Variants in CNTNAP2 observed in about 807,000 individuals in gnomAD.
CNTNAP2 encodes contactin-associated protein-like 2.
Under a neutral mutation model 155.2 loss-of-function variants are expected in CNTNAP2, and 98 were observed. That is an observed-to-expected ratio of 0.63 (90% CI 0.54 to 0.75). CNTNAP2 has a LOEUF of 0.75. Among genes scored for constraint, CNTNAP2 ranks in the 30% least tolerant of loss-of-function variants. The probability of loss-of-function intolerance (pLI) is 0.00; values close to 1 mark genes in which losing one functional copy is unlikely to be tolerated. For missense variants in CNTNAP2, 1,727 were observed against 1,688.1 expected (o/e 1.02, Z -0.40); for synonymous variants, 651 against 631.2 (o/e 1.03, Z -0.47).
intron 1 of CNTNAP2, among the ~76,000 whole-genome samples, chr7:146,609,207 A>G (rs1799095494): frequency 6.6e-6 from 1 of 152,176 alleles, no homozygotes; most frequent in African/African-American, 2.4e-5. Flanking sequence ...CTAGTGTTGC[A>G]CTCACATGCA....
At chr7:147,234,544 T>C (rs1038706293) in intron 8 of CNTNAP2, among the ~76,000 whole-genome samples, 5 of 152,080 alleles carry the variant, frequency 3.3e-5, no homozygotes, top group African/African-American at 4.8e-5. Context: ...TTTCACCGTG[T>C]TAGCCAGGAT....
At chr7:146,694,066 C>A (rs1239798498) in intron 1 of CNTNAP2, among the ~76,000 whole-genome samples, 1 of 151,908 alleles carries the variant, frequency 6.6e-6, no homozygotes, top group Non-Finnish European at 1.5e-5. Flanking sequence ...TTTTATGAAG[C>A]TAAAAATAAT....
intron 14 of CNTNAP2, among the ~76,000 whole-genome samples, chr7:147,944,617 A>G (rs577354952): frequency 8.3e-4 from 127 of 152,334 alleles, no homozygotes; most frequent in Middle Eastern, 3.4e-3. Flanking sequence ...TGTTATACAT[A>G]ATGGGGAAAA....
At chr7:148,364,228 T>C (rs1405709227) in intron 21 of CNTNAP2, among the ~76,000 whole-genome samples, 1 of 152,244 alleles carries the variant, frequency 6.6e-6, no homozygotes, top group Non-Finnish European at 1.5e-5. Flanking sequence ...CAGCTCCACC[T>C]GCAGCCCCAG....
At chr7:146,328,739 A>G (rs1198497402) in intron 1 of CNTNAP2, among the ~76,000 whole-genome samples, 1 of 152,130 alleles carries the variant, frequency 6.6e-6, no homozygotes, top group Non-Finnish European at 1.5e-5. Flanking sequence ...TCTGTTACCA[A>G]GAATTTAACT....
intron 1 of CNTNAP2, among the ~76,000 whole-genome samples, chr7:146,765,470 C>A (rs779598232): frequency 8.5e-5 from 13 of 152,146 alleles, no homozygotes; most frequent in Non-Finnish European, 1.5e-4. Context: ...AGCACTTTGC[C>A]TTGCTTGCTT....
chr7:147,361,480 T>G (rs1796146565), intron 9 of CNTNAP2, among the ~76,000 whole-genome samples: 1 of 152,214 alleles, frequency 6.6e-6, no homozygotes, highest in Non-Finnish European at 1.5e-5. Flanking sequence ...AACTTTTAAG[T>G]CACGTTGTGT....
At position 148,349,405 on chromosome 7, in the gene CNTNAP2, C is replaced by CTTTTTTT. The variant is rs369932664; in HGVS notation, c.3476-34243_3476-34242insTTTTTTT. 1.6e-4 allele frequency among the ~76,000 whole-genome samples: 22 copies of CTTTTTTT among 135,624 alleles called. 5 individuals carry two copies. The highest frequency in any genetic ancestry group is 2.0e-4 in the Non-Finnish European group (13 of 64,378). The allele number at this position is 135,624 out of a possible 152,430, so 89.0% of individuals were successfully genotyped here. ...GCTTTAAAAATTGCAAAAAAAATCT[C>CTTTTTTT]TCTTTTTTTTTTTTGAGACAGAGTC... On this transcript the variant is annotated intron_variant, in intron 21 of 23. Transcript: ENST00000361727.
intron 12 of CNTNAP2, among the ~76,000 whole-genome samples, chr7:147,595,775 G>A (rs1563013911): frequency 6.6e-6 from 1 of 152,150 alleles, no homozygotes; most frequent in Non-Finnish European, 1.5e-5. Flanking sequence ...AATCGTAGTT[G>A]CTGAGTCTGG....
At chr7:147,355,436 A>G (rs534823508) in intron 9 of CNTNAP2, among the ~76,000 whole-genome samples, 1 of 152,246 alleles carries the variant, frequency 6.6e-6, no homozygotes, top group East Asian at 1.9e-4. Flanking sequence ...AGAAATAACT[A>G]AGATCATAGC....
In CNTNAP2 at chr7:147,208,956, G is replaced by C. The variant is rs183826448; in HGVS notation, c.1348+76447G>C. Among the ~76,000 whole-genome samples, 466 of 151,990 alleles carry C rather than the reference G, an allele frequency of 3.1e-3. 2 individuals carry two copies. The highest frequency in any genetic ancestry group is 0.01 in the African/African-American group (433 of 41,528). On this transcript the variant is annotated intron_variant, in intron 8 of 23. Coordinates refer to ENST00000361727, the MANE Select transcript of CNTNAP2 (RefSeq NM_014141.6). Reference sequence around the variant, plus strand: ...AATTGCATAGTGCTATACAAAAAATGATTACTAAATTGAAAAGTTTCCCCT... The same window carrying C: ...AATTGCATAGTGCTATACAAAAAATCATTACTAAATTGAAAAGTTTCCCCT...
intron 1 of CNTNAP2, among the ~76,000 whole-genome samples, chr7:146,649,704 A>G (rs1799872746): frequency 6.6e-6 from 1 of 152,148 alleles, no homozygotes; most frequent in Non-Finnish European, 1.5e-5. Context: ...CTCCATTTTT[A>G]GTGATGTTAT....
Position 148,293,904 on chromosome 7 carries a change from G to A in CNTNAP2, c.3475+26778G>A, listed in dbSNP as rs553963126. On this transcript the variant is annotated intron_variant, in intron 21 of 23. Transcript: ENST00000361727. ...ATGGAAATTAGCCAGTCATGGTGGC[G>A]CATTACTATAATCGCAGCTACTCGG... is the stretch of plus-strand genomic sequence containing the variant. Among the ~76,000 whole-genome samples, 8 of 151,884 alleles carry A rather than the reference G, an allele frequency of 5.3e-5. No homozygotes were observed. In the East Asian group the frequency reaches 5.8e-4, roughly 11 times the overall value.
At chr7:148,298,388 C>T (rs548080691) in intron 21 of CNTNAP2, among the ~76,000 whole-genome samples, 8 of 152,266 alleles carry the variant, frequency 5.3e-5, no homozygotes, top group African/African-American at 1.7e-4. Context: ...GCTGGGGCAA[C>T]GGGAGGGCAG....
intron 8 of CNTNAP2, among the ~76,000 whole-genome samples, chr7:147,217,204 A>G (rs1049684261): frequency 1.3e-5 from 2 of 151,944 alleles, no homozygotes; most frequent in African/African-American, 4.8e-5. Context: ...ATAAGTGGTA[A>G]GAGGAGACAT....
chr7:147,862,642 T>TAC (rs1799156005), intron 13 of CNTNAP2, among the ~76,000 whole-genome samples: 1 of 151,890 alleles, frequency 6.6e-6, no homozygotes, highest in African/African-American at 2.4e-5. Context: ...TATACATATA[T>TAC]ACACACACAC....
rs1563198345 is a variant in CNTNAP2 at position 148,097,371 on chromosome 7, A to AACC, written c.2384-20746_2384-20745insCCA. 4.5e-4 allele frequency among the ~76,000 whole-genome samples: 64 copies of AACC among 143,026 alleles called. 1 individual carries two copies. In the East Asian group the frequency reaches 9.2e-3, roughly 20 times the overall value. 93.8% of individuals were successfully genotyped at this position (143,026 alleles called of 152,430 possible). On this transcript the variant is annotated intron_variant, in intron 15 of 23. Transcript: ENST00000361727. ...AAAAAAAAAAAAAAAAACCATAAAA[A>AACC]ATAAAAATAAAAATAAAAAAATTAA...
intron 16 of CNTNAP2, among the ~76,000 whole-genome samples, chr7:148,139,339 C>A (rs971719851): frequency 2.6e-5 from 4 of 152,108 alleles, no homozygotes; most frequent in Admixed American, 1.3e-4. Flanking sequence ...AAAAATAGGT[C>A]ATTTTTTATT....
chr7:148,038,814 G>C (rs922245852), intron 15 of CNTNAP2, among the ~76,000 whole-genome samples: 1 of 145,108 alleles, frequency 6.9e-6, no homozygotes, highest in Admixed American at 7.0e-5. Flanking sequence ...AGAAGCAATA[G>C]GATGGATGGA....
Sources: allele counts gnomAD v4.1 joint callset (sites outside exome capture counted in the v4.1 genomes callset), GRCh38; gene constraint gnomAD v4.1.1; transcripts MANE v1.5; gene names NCBI Gene and HGNC (gene_info 2026-07-23, HGNC 2026-07-21).